The following ZMYND8 variants were observed in gnomAD, a reference collection of about 807,000 sequenced individuals.
ZMYND8 encodes the protein MYND-type zinc finger-containing chromatin reader ZMYND8.
ZMYND8 carries 37 observed loss-of-function variants against 140.8 expected under a neutral mutation model. The observed-to-expected ratio is 0.26, with a 90% CI of 0.20 to 0.35. The LOEUF (loss-of-function observed/expected upper bound fraction) is 0.35. Among genes scored for constraint, ZMYND8 ranks in the 10% least tolerant of loss-of-function variants. ZMYND8 has a pLI of 1.00. For synonymous variants in ZMYND8, 592 were observed against 597.1 expected (o/e 0.99, Z 0.12); for missense variants, 1,068 against 1,570.0 (o/e 0.68, Z 5.40).
intron 2 of ZMYND8, among the ~76,000 whole-genome samples, chr20:47,324,059 TGTG>T (rs1257769778): frequency 6.7e-6 from 1 of 150,242 alleles, no homozygotes; most frequent in Non-Finnish European, 1.5e-5. Flanking sequence ...ATTAGCTGGG[TGTG>T]GTGGTGGAGG....
At chr20:47,254,857 T>G (rs1357386524) in intron 12 of ZMYND8, among the ~76,000 whole-genome samples, 2 of 152,178 alleles carry the variant, frequency 1.3e-5, no homozygotes, top group Non-Finnish European at 2.9e-5. Context: ...CCAGGCGCAG[T>G]GCCTCATGCC....
rs149665450 is a variant in ZMYND8, at chr20:47,323,128, G to A, written c.86-12924C>T. Reference sequence around the variant, plus strand: ...GATAATGCATACAAAGTGAATGAAAGGCATCTGGCACATCAAAGCACCATA... The same window carrying A: ...GATAATGCATACAAAGTGAATGAAAAGCATCTGGCACATCAAAGCACCATA... On this transcript the variant is annotated intron_variant, in intron 2 of 22. Coordinates refer to ENST00000471951, the MANE Select transcript of ZMYND8 (RefSeq NM_001281775.3). 5.1e-3 allele frequency among the ~76,000 whole-genome samples: 777 copies of A among 152,282 alleles called. 2 individuals are homozygous for A. Among genetic ancestry groups the A allele is most frequent in the Non-Finnish European group, 6.6e-3 (451 of 68,028 alleles).
chr20:47,324,389 G>A (rs1178667705), intron 2 of ZMYND8, among the ~76,000 whole-genome samples: 1 of 151,528 alleles, frequency 6.6e-6, no homozygotes, highest in African/African-American at 2.4e-5. Flanking sequence ...CATGGTGGCG[G>A]GTGCCTGTAA....
chr20:47,271,026 G>A (rs1039597446), intron 11 of ZMYND8, among the ~76,000 whole-genome samples: 9 of 151,860 alleles, frequency 5.9e-5, no homozygotes, highest in South Asian at 2.1e-4. Flanking sequence ...GCAGTGAGCC[G>A]AGATCGCACC....
chr20:47,224,208 GCCAGGCAAGCT>G (rs2037384028), intron 19 of ZMYND8, 98 bp downstream of exon 19: 1 of 1,523,486 alleles, frequency 6.6e-7, no homozygotes, highest in Non-Finnish European at 8.8e-7. Context: ...GTGTCCAGAA[GCCAGGCAAGCT>G]CCCTTGACAA....
intron 10 of ZMYND8, among the ~76,000 whole-genome samples, chr20:47,280,449 G>A (rs1219017314): frequency 1.3e-5 from 2 of 152,160 alleles, no homozygotes; most frequent in Non-Finnish European, 2.9e-5. Flanking sequence ...TCTGCACACA[G>A]AGCTGGCCAA....
chr20:47,281,623 A>G (rs948954625), intron 10 of ZMYND8, among the ~76,000 whole-genome samples: 5 of 152,106 alleles, frequency 3.3e-5, no homozygotes, highest in Non-Finnish European at 5.9e-5. Context: ...CAAAACAGCA[A>G]CCCCTTATAA....
chr20:47,304,488 T>A (rs1330429808), intron 3 of ZMYND8, among the ~76,000 whole-genome samples: 1 of 152,212 alleles, frequency 6.6e-6, no homozygotes, highest in East Asian at 1.9e-4. Flanking sequence ...TCAGGCAGCA[T>A]CTAGCCCACA....
intron 10 of ZMYND8, among the ~76,000 whole-genome samples, chr20:47,280,139 A>AAG (rs1555983744): frequency 2.7e-4 from 40 of 148,852 alleles, no homozygotes; most frequent in Admixed American, 6.7e-4. Context: ...AAAAAAAAAA[A>AAG]AAAAGAATGG....
intron 2 of ZMYND8, among the ~76,000 whole-genome samples, chr20:47,317,918 A>AC (rs1441872690): frequency 1.4e-4 from 22 of 152,214 alleles, no homozygotes; most frequent in Admixed American, 1.4e-3. Context: ...CGAAGAAGTC[A>AC]ATGAGTTAAT....
At chr20:47,255,298 C>T (rs372966841) in intron 12 of ZMYND8, among the ~76,000 whole-genome samples, 1 of 151,876 alleles carries the variant, frequency 6.6e-6, no homozygotes, top group African/African-American at 2.4e-5. Context: ...GTTACAGACA[C>T]GCTGGCCTTT....
At chr20:47,284,169 C>T (rs2076780912) in intron 8 of ZMYND8, among the ~76,000 whole-genome samples, 1 of 152,114 alleles carries the variant, frequency 6.6e-6, no homozygotes, top group Non-Finnish European at 1.5e-5. Context: ...GCGATCCACC[C>T]GTCTCAGCCT....
At chr20:47,214,958 C>G (rs1600853621) in intron 21 of ZMYND8, among the ~76,000 whole-genome samples, 3 of 152,182 alleles carry the variant, frequency 2.0e-5, no homozygotes, top group African/African-American at 2.4e-5. Flanking sequence ...TGGCACATGC[C>G]TATGATCCCA....
At chr20:47,242,999 A>G (rs1267827476) in intron 14 of ZMYND8, among the ~76,000 whole-genome samples, 2 of 152,230 alleles carry the variant, frequency 1.3e-5, no homozygotes, top group Non-Finnish European at 2.9e-5. Context: ...TTTATAAAGC[A>G]AGGACTTTTT....
At chr20:47,304,088 G>T (rs1601750790) in intron 3 of ZMYND8, among the ~76,000 whole-genome samples, 2 of 152,150 alleles carry the variant, frequency 1.3e-5, no homozygotes, top group Admixed American at 6.5e-5. Flanking sequence ...TCTGAGATAT[G>T]ATTTTTCTCC....
intron 13 of ZMYND8, among the ~76,000 whole-genome samples, chr20:47,249,055 A>G (rs1367859914): frequency 6.6e-6 from 1 of 152,222 alleles, no homozygotes; most frequent in African/African-American, 2.4e-5. Flanking sequence ...TCGAGTTTCC[A>G]GACTGCTTTC....
chr20:47,270,697 G>GAAA (rs34474269), intron 11 of ZMYND8, among the ~76,000 whole-genome samples: 39 of 86,546 alleles, frequency 4.5e-4, no homozygotes, highest in African/African-American at 8.1e-4. Context: ...CCCTGTCTCT[G>GAAA]AAAAAAAAAA....
At chr20:47,316,685 C>T (rs1257265050) in intron 2 of ZMYND8, among the ~76,000 whole-genome samples, 1 of 151,486 alleles carries the variant, frequency 6.6e-6, no homozygotes, top group Non-Finnish European at 1.5e-5. Context: ...ATCCCAGCTA[C>T]TTGGGAGGCT....
intron 14 of ZMYND8, among the ~76,000 whole-genome samples, chr20:47,245,619 A>T (rs2040475561): frequency 1.3e-5 from 2 of 152,262 alleles, no homozygotes; most frequent in Non-Finnish European, 2.9e-5. Context: ...GCACTGAAGG[A>T]CCATTTGACA....
Sources: allele counts gnomAD v4.1 joint callset (sites outside exome capture counted in the v4.1 genomes callset), GRCh38; gene constraint gnomAD v4.1.1; transcripts MANE v1.5; gene names NCBI Gene and HGNC (gene_info 2026-07-23, HGNC 2026-07-21).